Variants in WWC2 observed in about 807,000 individuals in gnomAD.
WWC2 encodes WW and C2 domain containing 2, also known as protein WWC2.
Under a neutral mutation model 138.5 loss-of-function variants are expected in WWC2, and 101 were observed. That is an observed-to-expected ratio of 0.73 (90% CI 0.62 to 0.86). The LOEUF (loss-of-function observed/expected upper bound fraction) is 0.86, where lower values mean the gene tolerates loss of function less well. Among genes scored for constraint, WWC2 ranks in the 40% least tolerant of loss-of-function variants. The pLI is 0.00. For missense variants in WWC2, 1,420 were observed against 1,419.4 expected, an observed-to-expected ratio of 1.00 and a Z score of -0.01; for synonymous variants, 558 against 538.4, an observed-to-expected ratio of 1.04 and a Z score of -0.50.
chr4:183,165,426 A>C (rs1425793727), intron 1 of WWC2, among the ~76,000 whole-genome samples: 4 of 152,198 alleles, frequency 2.6e-5, no homozygotes, highest in African/African-American at 9.7e-5. Context: ...GAAGCTGTTT[A>C]AGCCAGGCTA....
chr4:183,105,278 G>A (rs1743314275), intron 1 of WWC2, among the ~76,000 whole-genome samples: 1 of 152,296 alleles, frequency 6.6e-6, no homozygotes, highest in African/African-American at 2.4e-5. Flanking sequence ...CAACAAGTTG[G>A]TATTTAAATT....
rs1245561775 is a variant in WWC2 at position 183,158,801 on chromosome 4, C to G, written c.132-34798C>G. Among the ~76,000 whole-genome samples the G allele has an allele frequency of 2.0e-5, 3 of 152,112 alleles. No individual in the cohort carries two copies. The South Asian group carries it at 6.2e-4, about 32-fold the overall frequency. ...TTCCAGTAAACATGGCACTTTACCT[C>G]GGAAAAGATGGGAAGTTTGCTTGTG... On this transcript the variant is annotated intron_variant, in intron 1 of 22. Coordinates refer to ENST00000403733, the MANE Select transcript of WWC2 (RefSeq NM_024949.6).
At chr4:183,279,332 G>C (rs1262291559) in intron 16 of WWC2, among the ~76,000 whole-genome samples, 2 of 151,970 alleles carry the variant, frequency 1.3e-5, no homozygotes, top group East Asian at 1.9e-4. Flanking sequence ...AAGCCCACTT[G>C]ATCATGGTGG....
chr4:183,137,860 T>TTA (rs1733171941), intron 1 of WWC2, among the ~76,000 whole-genome samples: 1 of 152,210 alleles, frequency 6.6e-6, no homozygotes, highest in South Asian at 2.1e-4. Flanking sequence ...CTTTTCGTTG[T>TTA]TACTGTGTGA....
chr4:183,164,464 A>G (rs1311930871), intron 1 of WWC2, among the ~76,000 whole-genome samples: 1 of 148,780 alleles, frequency 6.7e-6, no homozygotes, highest in African/African-American at 2.5e-5. Flanking sequence ...GTAGTGGCAC[A>G]GAAAGAAGAG....
chr4:183,117,996 C>T (rs1355173822), intron 1 of WWC2, among the ~76,000 whole-genome samples: 4 of 151,952 alleles, frequency 2.6e-5, no homozygotes, highest in South Asian at 2.1e-4. Context: ...GACGGGGTTT[C>T]GCCATGTTGG....
At chr4:183,150,660 C>G (rs996816322) in intron 1 of WWC2, among the ~76,000 whole-genome samples, 16 of 152,178 alleles carry the variant, frequency 1.1e-4, no homozygotes, top group Admixed American at 9.2e-4. Context: ...AGTATTTCTC[C>G]TAATGCTATC....
chr4:183,107,489 G>GA (rs1732062636), intron 1 of WWC2, among the ~76,000 whole-genome samples: 1 of 152,138 alleles, frequency 6.6e-6, no homozygotes, highest in Admixed American at 6.6e-5. Context: ...TAGTGGGTGT[G>GA]AGGTAGGATC....
At chr4:183,280,326 T>G (rs1738028175) in intron 16 of WWC2, among the ~76,000 whole-genome samples, 1 of 143,450 alleles carries the variant, frequency 7.0e-6, no homozygotes, top group Admixed American at 7.4e-5. Flanking sequence ...AGGAATATCA[T>G]GTAGAATATT....
rs184945189 is a variant in WWC2 at position 183,270,988 on chromosome 4, A to T, written c.2401-92A>T. Reference sequence around the variant, plus strand: ...TTTTTACCCTAAAACAAGCTCATTCAATAATCTTTATTATATCAGAACAAA... The same window carrying T: ...TTTTTACCCTAAAACAAGCTCATTCTATAATCTTTATTATATCAGAACAAA... On this transcript the variant is annotated intron_variant, in intron 15 of 22. Coordinates refer to ENST00000403733, the MANE Select transcript of WWC2 (RefSeq NM_024949.6). The T allele has an allele frequency of 5.7e-5, 67 of 1,173,024 alleles. No homozygotes were observed. In the African/African-American group the frequency reaches 8.7e-4, roughly 15 times the overall value. 72.7% of individuals were successfully genotyped at this position (1,173,024 alleles called of 1,614,324 possible). A position where few individuals can be genotyped will look rare whatever the true frequency, so the allele number is the denominator to read the frequency against.
intron 19 of WWC2, 71 bp from the exon 20 acceptor site, chr4:183,285,896 C>T (rs1738232520): frequency 7.2e-7 from 1 of 1,397,966 alleles, no homozygotes; most frequent in Non-Finnish European, 9.9e-7. Context: ...TGGTAAATGT[C>T]TCAATCCCAA....
chr4:183,195,012 G>GT, intron 2 of WWC2, among the ~76,000 whole-genome samples: 1 of 152,262 alleles, frequency 6.6e-6, no homozygotes, highest in East Asian at 1.9e-4. Flanking sequence ...CAATGATTGT[G>GT]TTTTTAAGTT....
chr4:183,320,126 T>C lies in WWC2; in HGVS notation c.*4397T>C. ...AGTCCAGGTTGAGGTTCTTCCAGTG[T>C]GGCAGGTAGTTTGTAAGACAGGATA... On this transcript the variant is annotated 3_prime_UTR_variant, in exon 23 of 23. Coordinates refer to ENST00000403733, the MANE Select transcript of WWC2 (RefSeq NM_024949.6). 6.2e-7 allele frequency: 1 copy of C among 1,614,166 alleles called. No homozygotes were observed. Among genetic ancestry groups the C allele is most frequent in the Non-Finnish European group, 8.5e-7 (1 of 1,180,024 alleles).
intron 15 of WWC2, 53 bp downstream of exon 15, chr4:183,269,216 G>C: frequency 6.4e-7 from 1 of 1,551,196 alleles, no homozygotes; most frequent in Non-Finnish European, 8.7e-7. Context: ...TGGGTGGTCT[G>C]AGGATATACT....
chr4:183,280,229 G>GTTTTTTTTTTTTCTTTT (rs1738019201), intron 16 of WWC2, among the ~76,000 whole-genome samples: 1 of 65,430 alleles, frequency 1.5e-5, no homozygotes. Flanking sequence ...GATAGCAGCT[G>GTTTTTTTTTTTTCTTTT]TTTTTTTTTT....
chr4:183,263,107 G>A (rs956094905), intron 11 of WWC2, among the ~76,000 whole-genome samples: 7 of 152,168 alleles, frequency 4.6e-5, no homozygotes, highest in Non-Finnish European at 8.8e-5. Flanking sequence ...ACCATGGAAA[G>A]CTATGAGAAG....
chr4:183,269,076 A>G lies in WWC2; in HGVS notation c.2313A>G (p.Arg771=), dbSNP rs1396474777. 3 of 1,613,956 alleles carry G rather than the reference A, an allele frequency of 1.9e-6. No individual in the cohort carries two copies. In the South Asian group the frequency reaches 3.3e-5, roughly 18 times the overall value. The change falls in exon 15 of 23, where the codon AGA becomes AGG. Residue 771 remains arginine (R), a synonymous_variant. Coordinates refer to ENST00000403733, the MANE Select transcript of WWC2 (RefSeq NM_024949.6). ...TESILFNDVF[R]VAISQTALQQ... is the part of the protein sequence containing the mutation. Reference sequence around the variant, plus strand: ...CCATTTTATTCAATGATGTGTTCAGAGTCGCCATTTCCCAAACAGCCTTAC... The same window carrying G: ...CCATTTTATTCAATGATGTGTTCAGGGTCGCCATTTCCCAAACAGCCTTAC...
At chr4:183,266,070 A>T (rs1194158544) in intron 14 of WWC2, 119 bp downstream of exon 14, 1 of 907,102 alleles carries the variant, frequency 1.1e-6, no homozygotes, top group East Asian at 2.6e-5. Flanking sequence ...AGCAGGGCTG[A>T]TCATGTCTAA....
chr4:183,208,191 G>A (rs1735497814), intron 3 of WWC2, 35 bp downstream of exon 3: 1 of 1,604,176 alleles, frequency 6.2e-7, no homozygotes, highest in South Asian at 1.1e-5. Flanking sequence ...CTTTGGAAGT[G>A]GAGACTGAAT....
Sources: gnomAD v4.1 joint callset for allele counts (sites outside exome capture counted in the v4.1 genomes callset) on GRCh38, gnomAD v4.1.1 for gene constraint, MANE v1.5 for transcripts, NCBI Gene and HGNC (gene_info 2026-07-23, HGNC 2026-07-21) for gene names.